Variants in AFMID observed in about 807,000 individuals in gnomAD.
AFMID encodes kynurenine formamidase.
In AFMID, 39 loss-of-function variants were observed where a neutral mutation model predicts 47.5. The ratio of observed to expected loss-of-function variants is 0.82; its 90% confidence interval spans 0.64 to 1.07. AFMID has a LOEUF of 1.07. Among genes scored for constraint, AFMID ranks in the 50% least tolerant of loss-of-function variants. The pLI, the probability that AFMID is intolerant of heterozygous loss-of-function variation, is 0.00. For synonymous variants in AFMID, 130 were observed against 153.2 expected (o/e 0.85, Z 1.12); for missense variants, 375 against 387.5 (o/e 0.97, Z 0.27).
intron 2 of AFMID, 148 bp downstream of exon 2, chr17:78,191,208 C>T: frequency 1.4e-6 from 1 of 693,008 alleles, no homozygotes; most frequent in Non-Finnish European, 2.5e-6. Flanking sequence ...AACCTCCCTG[C>T]TCAGGGGCAG....
intron 10 of AFMID, among the ~76,000 whole-genome samples, chr17:78,206,495 C>T (rs1006246655): frequency 1.1e-4 from 16 of 151,826 alleles, no homozygotes; most frequent in Non-Finnish European, 1.9e-4. Flanking sequence ...TCTCTGCTGC[C>T]TCCTGGGCTC....
At chr17:78,203,362 CT>C (rs61422242) in intron 4 of AFMID, 8,057 of 135,176 alleles carry the variant, frequency 0.06, 221 homozygotes, top group East Asian at 0.12. Flanking sequence ...CACCAGCCTC[CT>C]TTTTTTTTTT....
Position 78,207,111 on chromosome 17 carries a change from TC to T in AFMID, c.*176del. On this transcript the variant is annotated 3_prime_UTR_variant, in exon 11 of 11. Transcript: ENST00000409257. ...CACTGCTGGGACACTCATGAAAATC[TC>T]CACGTCCTCCCTCTTCCCAGCCTGG... 1.4e-6 allele frequency: 1 copy of T among 698,936 alleles called. No homozygotes were observed. The highest frequency in any genetic ancestry group is 2.5e-6 in the Non-Finnish European group (1 of 402,600). 43.3% of individuals were successfully genotyped at this position (698,936 alleles called of 1,614,324 possible). A position where few individuals can be genotyped will look rare whatever the true frequency, so the allele number is the denominator to read the frequency against.
chr17:78,192,999 A>G (rs907284473), intron 2 of AFMID, among the ~76,000 whole-genome samples: 3 of 152,016 alleles, frequency 2.0e-5, no homozygotes, highest in Non-Finnish European at 4.4e-5. Context: ...TGGGCTCTTC[A>G]TGTTCCTTGC....
Position 78,189,901 on chromosome 17 carries a change from G to A in AFMID, c.64-1069G>A, listed in dbSNP as rs561571100. 6.3e-5 allele frequency among the ~76,000 whole-genome samples: 9 copies of A among 142,048 alleles called. No homozygotes were observed. The South Asian group carries it at 9.2e-4, about 15-fold the overall frequency. The allele number at this position is 142,048 out of a possible 152,430, so 93.2% of individuals were successfully genotyped here. On this transcript the variant is annotated intron_variant, in intron 1 of 10. Transcript: ENST00000409257. ...GGCTGGAGTGCAGTAGCATGATCCC[G>A]GCTCACTGCAACCTCTGCCTCCCTG...
chr17:78,200,525 A>C (rs1336112681), intron 2 of AFMID, among the ~76,000 whole-genome samples: 1 of 152,140 alleles, frequency 6.6e-6, no homozygotes. Context: ...GTGGGCCCTA[A>C]ATGCCATTGA....
chr17:78,193,706 G>A (rs561057710), intron 2 of AFMID, among the ~76,000 whole-genome samples: 4 of 152,136 alleles, frequency 2.6e-5, no homozygotes, highest in Admixed American at 6.6e-5. Flanking sequence ...GGCCAGGCGT[G>A]GCAGCTCACG....
rs139420093 is a variant in AFMID at position 78,205,653 on chromosome 17, C to A, written c.695C>A (p.Pro232Gln). Reference protein sequence around the residue: ...SPQLKVAQAQPVDPTCRVLVV... With the variant: ...SPQLKVAQAQQVDPTCRVLVV... ...CAGCTGAAGGTGGCCCAGGCACAGC[C>A]GGTGGACCCCACCTGCCGTGTGCTG... is the stretch of plus-strand genomic sequence containing the variant. The change falls in exon 9 of 11, where the codon CCG becomes CAG. Residue 232 changes from proline to glutamine, a missense_variant. Pro to Gln is a moderately conservative substitution (Grantham distance 76, BLOSUM62 -1). Coordinates refer to ENST00000409257, the MANE Select transcript of AFMID (RefSeq NM_001010982.5). 2.5e-6 allele frequency: 4 copies of A among 1,613,814 alleles called. No individual in the cohort carries two copies. The highest frequency in any genetic ancestry group is 1.7e-5 in the Admixed American group (1 of 60,006).
chr17:78,197,136 C>T, intron 2 of AFMID: 2 of 1,549,026 alleles, frequency 1.3e-6, no homozygotes, highest in Non-Finnish European at 8.7e-7. Context: ...TTAATCTAGT[C>T]CATTTATAGG....
chr17:78,205,940 G>A lies in AFMID; in HGVS notation c.781-6G>A, dbSNP rs138123283. On this transcript the variant is annotated splice_region_variant and splice_polypyrimidine_tract_variant and intron_variant, in intron 9 of 10. Transcript: ENST00000409257. Reference sequence around the variant, plus strand: ...AGGCCCCTCTTCCCATGTCTCCCCTGCCCAGACCCTGTGTCAAGGAGAGTG... The same window carrying A: ...AGGCCCCTCTTCCCATGTCTCCCCTACCCAGACCCTGTGTCAAGGAGAGTG... 5,189 of 1,613,474 alleles carry A rather than the reference G, an allele frequency of 3.2e-3. 19 individuals carry two copies. The highest frequency in any genetic ancestry group is 6.6e-3 in the Admixed American group (393 of 59,940).
intron 2 of AFMID, among the ~76,000 whole-genome samples, chr17:78,195,316 G>T (rs11657144): frequency 0.096 from 14,224 of 148,352 alleles, 1,330 homozygotes; most frequent in African/African-American, 0.25. Context: ...TGCCTCAGCT[G>T]CCCGAATAGC....
At chr17:78,187,583 G>A in intron 1 of AFMID, 150 bp downstream of exon 1, 4 of 725,218 alleles carry the variant, frequency 5.5e-6, no homozygotes, top group Non-Finnish European at 9.3e-6. Flanking sequence ...CAGTGCTTGA[G>A]CACCATGGTG....
At chr17:78,206,816 G>A in intron 10 of AFMID, 95 bp from the exon 11 acceptor site, 1 of 1,419,266 alleles carries the variant, frequency 7.0e-7, no homozygotes, top group South Asian at 1.2e-5. Context: ...GCAGACGTGA[G>A]CCACTGCATC....
At chr17:78,202,988 A>G (rs528798998) in intron 4 of AFMID, 97 of 558,126 alleles carry the variant, frequency 1.7e-4, no homozygotes, top group Admixed American at 3.7e-4. Context: ...TTGTGTCTGC[A>G]TAGCTCCAGC....
At chr17:78,194,110 G>GTTTTTTTTTTTTTTTTTTTTTTTTTT (rs200914851) in intron 2 of AFMID, among the ~76,000 whole-genome samples, 1 of 145,344 alleles carries the variant, frequency 6.9e-6, no homozygotes, top group Non-Finnish European at 1.5e-5. Context: ...TATGTATTGG[G>GTTTTTTTTTTTTTTTTTTTTTTTTTT]TTTTTTTTTT....
chr17:78,202,476 C>T (rs757043973), intron 2 of AFMID, 23 bp from the exon 3 acceptor site: 93 of 1,607,670 alleles, frequency 5.8e-5, no homozygotes, highest in Non-Finnish European at 7.6e-5. Context: ...GTGCTGACAG[C>T]GACTTGTCCA....
chr17:78,204,365 A>G (rs1481996075), intron 4 of AFMID, among the ~76,000 whole-genome samples: 1 of 152,192 alleles, frequency 6.6e-6, no homozygotes, highest in African/African-American at 2.4e-5. Context: ...GCTTGAGCCC[A>G]GGAGGTCGAG....
intron 2 of AFMID, among the ~76,000 whole-genome samples, chr17:78,195,789 C>T (rs925491573): frequency 1.3e-5 from 2 of 151,996 alleles, no homozygotes; most frequent in Non-Finnish European, 2.9e-5. Context: ...AGCCACCACG[C>T]CCGGCCTTGC....
In AFMID at chr17:78,202,576, A is replaced by G. The variant is rs1175716836; in HGVS notation, c.232A>G (p.Ile78Val). Residue 78 changes from isoleucine (I) to valine (V), a missense_variant, in exon 3 of 11, where the codon ATT becomes GTT. Ile to Val is a conservative substitution (Grantham distance 29). Transcript: ENST00000409257. ...YGDGEGEKVD[I>V]YFPDESSEAL... is the part of the protein sequence containing the mutation. ...AGACGGCGAAGGGGAGAAAGTGGAC[A>G]TTTACTTCCCCGACGAGTCGTCTGA... is the stretch of plus-strand genomic sequence containing the variant. 11 of 1,613,464 alleles carry G rather than the reference A, an allele frequency of 6.8e-6. No homozygotes were observed. Among genetic ancestry groups the G allele is most frequent in the Non-Finnish European group, 9.3e-6 (11 of 1,179,692 alleles).
Sources: allele counts gnomAD v4.1 joint callset (sites outside exome capture counted in the v4.1 genomes callset), GRCh38; gene constraint gnomAD v4.1.1; transcripts MANE v1.5; gene names NCBI Gene and HGNC (gene_info 2026-07-23, HGNC 2026-07-21).